DENND1A: variants seen among roughly 807,000 people sequenced by gnomAD.
DENND1A encodes DENN domain-containing protein 1A.
In DENND1A, 51 loss-of-function variants were observed where a neutral mutation model predicts 113.7. The observed-to-expected ratio is 0.45, with a 90% CI of 0.36 to 0.57. The LOEUF is 0.57. DENND1A is among the 20% of genes least tolerant of loss of function. The pLI is 0.00. For synonymous variants in DENND1A, 565 were observed against 570.8 expected (o/e 0.99, Z 0.14); for missense variants, 1,258 against 1,395.9 (o/e 0.90, Z 1.57).
At chr9:123,473,508 A>G (rs1473655806) in intron 13 of DENND1A, among the ~76,000 whole-genome samples, 1 of 152,206 alleles carries the variant, frequency 6.6e-6, no homozygotes, top group East Asian at 1.9e-4. Context: ...ATTCTGACAG[A>G]GAGCAGATGG....
At chr9:123,478,210 C>T (rs1022839575) in intron 13 of DENND1A, among the ~76,000 whole-genome samples, 2 of 152,236 alleles carry the variant, frequency 1.3e-5, no homozygotes, top group African/African-American at 4.8e-5. Flanking sequence ...CTCAACTGTG[C>T]TCTGCAGAAA....
chr9:123,485,636 GTACACACACGCGCGCGCGCGCACACA>G (rs1380290999), intron 13 of DENND1A: 98 of 94,094 alleles, frequency 1.0e-3, no homozygotes, highest in African/African-American at 3.2e-3. Context: ...GTGTGTGCGC[GTACACACACGCGCGCGCGCGCACACA>G]CACACACACA....
At chr9:123,695,585 C>T (rs1247358465) in intron 5 of DENND1A, among the ~76,000 whole-genome samples, 1 of 152,058 alleles carries the variant, frequency 6.6e-6, no homozygotes, top group African/African-American at 2.4e-5. Flanking sequence ...ACTGTGAGGT[C>T]CTTTGCTGGG....
intron 6 of DENND1A, among the ~76,000 whole-genome samples, chr9:123,676,215 C>T (rs1173412073): frequency 1.3e-5 from 2 of 152,140 alleles, no homozygotes; most frequent in South Asian, 2.1e-4. Context: ...GAATTTTTAA[C>T]GTCATTTTCA....
At chr9:123,711,521 A>G (rs987787119) in intron 5 of DENND1A, among the ~76,000 whole-genome samples, 24 of 140,484 alleles carry the variant, frequency 1.7e-4, no homozygotes, top group South Asian at 2.2e-4. Flanking sequence ...ATGTATATAT[A>G]TATATATATA....
chr9:123,791,712 A>C (rs2132038706), intron 3 of DENND1A, among the ~76,000 whole-genome samples: 1 of 152,338 alleles, frequency 6.6e-6, no homozygotes, highest in South Asian at 2.1e-4. Context: ...ACTTTTAATA[A>C]AAAAATTAAA....
At chr9:123,710,505 G>A (rs58310510) in intron 5 of DENND1A, among the ~76,000 whole-genome samples, 1 of 145,134 alleles carries the variant, frequency 6.9e-6, no homozygotes, top group Admixed American at 7.1e-5. Context: ...GTGCAGCTAC[G>A]CTGCTGAGTC....
chr9:123,588,188 T>C (rs1016985800), intron 11 of DENND1A, among the ~76,000 whole-genome samples: 1 of 149,492 alleles, frequency 6.7e-6, no homozygotes, highest in Non-Finnish European at 1.5e-5. Context: ...GGTAGGAGAA[T>C]TACTTGAACC....
intron 2 of DENND1A, among the ~76,000 whole-genome samples, chr9:123,800,785 G>T (rs1834517374): frequency 6.6e-6 from 1 of 152,178 alleles, no homozygotes; most frequent in Non-Finnish European, 1.5e-5. Flanking sequence ...TTTAAAAGAT[G>T]AATTCATATT....
At position 123,594,146 on chromosome 9, in the gene DENND1A, A is replaced by G. The variant is rs566552380; in HGVS notation, c.766-10876T>C. Among the ~76,000 whole-genome samples the G allele has an allele frequency of 3.3e-5, 5 of 152,348 alleles. No individual in the cohort carries two copies. The East Asian group carries it at 7.7e-4, about 24-fold the overall frequency. On this transcript the variant is annotated intron_variant, in intron 11 of 23. Coordinates refer to ENST00000394215, the MANE Select transcript of DENND1A (RefSeq NM_001352964.2). ...TATAGTCGTGTGAGAATGGACTAAT[A>G]CATGCCTCTCTTCTCCAACTGCACT...
At chr9:123,722,203 G>C (rs993371525) in intron 5 of DENND1A, among the ~76,000 whole-genome samples, 7 of 152,294 alleles carry the variant, frequency 4.6e-5, no homozygotes, top group Non-Finnish European at 2.9e-5. Flanking sequence ...GAGATTTGTG[G>C]AACTTTGTAC....
intron 13 of DENND1A, among the ~76,000 whole-genome samples, chr9:123,486,318 A>C (rs1468052096): frequency 6.6e-6 from 1 of 151,364 alleles, no homozygotes; most frequent in East Asian, 1.9e-4. Flanking sequence ...AGGAACAGAG[A>C]CTCGCCCCCG....
intron 2 of DENND1A, among the ~76,000 whole-genome samples, chr9:123,833,030 T>C (rs1840486589): frequency 1.4e-5 from 2 of 142,466 alleles, no homozygotes; most frequent in South Asian, 4.3e-4. Context: ...GAAGCTGAAG[T>C]AGGAGGGTCC....
At chr9:123,771,938 A>T (rs1026548755) in intron 3 of DENND1A, among the ~76,000 whole-genome samples, 5 of 152,156 alleles carry the variant, frequency 3.3e-5, no homozygotes, top group African/African-American at 1.2e-4. Flanking sequence ...ATGTTCCTTC[A>T]TGTTTGTGAT....
At chr9:123,900,655 G>A (rs1056153259) in intron 1 of DENND1A, among the ~76,000 whole-genome samples, 1 of 152,198 alleles carries the variant, frequency 6.6e-6, no homozygotes, top group African/African-American at 2.4e-5. Context: ...GAATCACATC[G>A]ATCTGGGCTC....
chr9:123,488,666 T>C (rs1231226411), intron 13 of DENND1A, among the ~76,000 whole-genome samples: 2 of 152,192 alleles, frequency 1.3e-5, no homozygotes, highest in Non-Finnish European at 2.9e-5. Flanking sequence ...CCTCTGGACA[T>C]GAACCTCAAA....
intron 7 of DENND1A, among the ~76,000 whole-genome samples, chr9:123,668,317 T>C (rs1002640494): frequency 6.6e-6 from 1 of 152,144 alleles, no homozygotes; most frequent in Admixed American, 6.5e-5. Flanking sequence ...GTATAGGCTT[T>C]CTGAAATGAA....
At chr9:123,588,633 A>AGGGGG (rs1290448078) in intron 11 of DENND1A, among the ~76,000 whole-genome samples, 11 of 86,444 alleles carry the variant, frequency 1.3e-4, no homozygotes, top group Admixed American at 2.5e-4. Flanking sequence ...AAAAAAAAAA[A>AGGGGG]GGGGGGGGGG....
At chr9:123,491,662 C>T (rs890276161) in intron 13 of DENND1A, among the ~76,000 whole-genome samples, 1 of 152,330 alleles carries the variant, frequency 6.6e-6, no homozygotes, top group Middle Eastern at 3.4e-3. Context: ...AGAAAAAGAA[C>T]ATTTCCAGTT....
Sources: allele counts gnomAD v4.1 joint callset (sites outside exome capture counted in the v4.1 genomes callset), GRCh38; gene constraint gnomAD v4.1.1; transcripts MANE v1.5; gene names NCBI Gene and HGNC (gene_info 2026-07-23, HGNC 2026-07-21).